URM1: variants seen among roughly 807,000 people sequenced by gnomAD.
The protein encoded by URM1 is ubiquitin related modifier 1, also known as ubiquitin-related modifier 1.
In URM1, 11 loss-of-function variants were observed where a neutral mutation model predicts 17.7. That is an observed-to-expected ratio of 0.62 (90% confidence interval 0.39 to 1.03). The LOEUF (loss-of-function observed/expected upper bound fraction) is 1.03. Among genes scored for constraint, URM1 ranks in the 50% least tolerant of loss-of-function variants. The probability of loss-of-function intolerance (pLI) is 0.00; values close to 1 mark genes in which losing one functional copy is unlikely to be tolerated. For missense variants in URM1, 128 were observed against 129.2 expected, an observed-to-expected ratio of 0.99 and a Z score of 0.04; for synonymous variants, 48 against 50.6, an observed-to-expected ratio of 0.95 and a Z score of 0.22.
chr9:128,378,542 CAAAAAAAA>C (rs58676800), intron 2 of URM1, among the ~76,000 whole-genome samples: 4 of 22,996 alleles, frequency 1.7e-4, no homozygotes, highest in Admixed American at 7.3e-4. Context: ...GACTCCATCT[CAAAAAAAA>C]AAAAAAAAAA....
chr9:128,375,705 G>A (rs572558667), intron 1 of URM1, among the ~76,000 whole-genome samples: 2 of 152,022 alleles, frequency 1.3e-5, no homozygotes, highest in Non-Finnish European at 1.5e-5. Context: ...GACTACAGGC[G>A]CACACCACCA....
chr9:128,378,960 A>T (rs1036605691), intron 2 of URM1, among the ~76,000 whole-genome samples: 1 of 151,626 alleles, frequency 6.6e-6, no homozygotes, highest in Non-Finnish European at 1.5e-5. Context: ...AAAAAAAAAA[A>T]AAAAAAAGAA....
At chr9:128,389,530 G>A (rs1833277107) in intron 4 of URM1, 136 bp from the exon 5 acceptor site, 1 of 1,547,388 alleles carries the variant, frequency 6.5e-7, no homozygotes, top group African/African-American at 1.4e-5. Context: ...GCAGGTTGAG[G>A]TATAGGATAC....
chr9:128,375,788 G>A (rs941212038), intron 1 of URM1, among the ~76,000 whole-genome samples: 2 of 151,952 alleles, frequency 1.3e-5, no homozygotes, highest in African/African-American at 2.4e-5. Flanking sequence ...TTGAACTCCT[G>A]GACTTAAGCA....
Position 128,389,671 on chromosome 9 carries a change from G to A in URM1, c.243G>A (p.Glu81=), listed in dbSNP as rs1180589664. The A allele has an allele frequency of 1.2e-6, 2 of 1,613,428 alleles. No homozygotes were observed. Among genetic ancestry groups the A allele is most frequent in the Admixed American group, 1.7e-5 (1 of 60,008 alleles). The change falls in exon 5 of 5, where the codon GAG becomes GAA. Residue 81 remains glutamate (E), a synonymous_variant. Coordinates refer to ENST00000372853, the MANE Select transcript of URM1 (RefSeq NM_030914.4). ...TCCCCTCTCTCCCGCACCAGGGTGA[G>A]CTGGACTACCAGCTTCAGGACCAGG... is the stretch of plus-strand genomic sequence containing the variant. ...INDADWELLG[E]LDYQLQDQDS...
At chr9:128,384,753 A>G (rs866123884) in intron 2 of URM1, among the ~76,000 whole-genome samples, 2 of 152,090 alleles carry the variant, frequency 1.3e-5, no homozygotes, top group Non-Finnish European at 1.5e-5. Context: ...CAATGACCCT[A>G]TGAGACAATG....
intron 2 of URM1, among the ~76,000 whole-genome samples, chr9:128,382,279 C>T (rs1833168813): frequency 6.6e-6 from 1 of 152,074 alleles, no homozygotes. Context: ...ACCTAGGTCA[C>T]CAACAGAGCT....
intron 2 of URM1, among the ~76,000 whole-genome samples, chr9:128,383,194 A>C (rs1833181878): frequency 6.7e-6 from 1 of 150,310 alleles, no homozygotes; most frequent in South Asian, 2.1e-4. Flanking sequence ...CACCCCTCCC[A>C]GTCCCTGTGC....
intron 1 of URM1, among the ~76,000 whole-genome samples, chr9:128,373,883 G>A (rs1833043319): frequency 6.6e-6 from 1 of 152,182 alleles, no homozygotes; most frequent in South Asian, 2.1e-4. Context: ...AGCAGGTGGA[G>A]AGGAAGTAAA....
upstream of URM1, chr9:128,371,331 G>C (rs748790114): frequency 9.4e-6 from 15 of 1,598,174 alleles, no homozygotes; most frequent in African/African-American, 1.4e-5. Flanking sequence ...GGAAATTTGC[G>C]GGCGCGCCGG....
At chr9:128,389,027 G>A (rs56395954) in intron 3 of URM1, 60,905 of 1,344,282 alleles carry the variant, frequency 0.045, 1,487 homozygotes, top group Middle Eastern at 0.082. Context: ...TCTGGGTGGT[G>A]GTGCTGGCTG....
chr9:128,387,763 G>A lies in URM1; in HGVS notation c.107-53G>A. The A allele has an allele frequency of 6.2e-7, 1 of 1,611,660 alleles. No homozygotes were observed. Among genetic ancestry groups the A allele is most frequent in the Non-Finnish European group, 8.5e-7 (1 of 1,178,308 alleles). On this transcript the variant is annotated intron_variant, in intron 2 of 4. Transcript: ENST00000372853. The surrounding 1 kb of genome is among the most constrained non-coding windows in gnomAD (Gnocchi z 4.3). ...GTGGGCCAGGCAAGGCTCTGGGGGT[G>A]GGCAGGTGCTATTTGGGTTTGACAA...
intron 2 of URM1, among the ~76,000 whole-genome samples, chr9:128,380,333 G>T (rs1414115899): frequency 6.6e-6 from 1 of 152,230 alleles, no homozygotes; most frequent in East Asian, 1.9e-4. Flanking sequence ...GCTGGGGGGG[G>T]GACACTTACT....
intron 4 of URM1, 101 bp from the exon 5 acceptor site, chr9:128,389,565 C>T (rs906389051): frequency 8.3e-6 from 13 of 1,572,810 alleles, no homozygotes; most frequent in South Asian, 1.2e-5. Flanking sequence ...GAGTCTGTCT[C>T]TTCCAGAGCA....
chr9:128,388,730 G>T (rs1241085198), intron 3 of URM1: 15 of 987,010 alleles, frequency 1.5e-5, no homozygotes, highest in Non-Finnish European at 1.7e-5. Flanking sequence ...CTGCACGTGA[G>T]CATTGCCATG....
At chr9:128,372,778 T>C (rs1421203601) in intron 1 of URM1, among the ~76,000 whole-genome samples, 1 of 152,098 alleles carries the variant, frequency 6.6e-6, no homozygotes, top group Non-Finnish European at 1.5e-5. Flanking sequence ...GACTGCTGTG[T>C]TAAGATTTAT....
chr9:128,385,419 C>T (rs1333989102), intron 2 of URM1, among the ~76,000 whole-genome samples: 6 of 152,184 alleles, frequency 3.9e-5, no homozygotes, highest in Non-Finnish European at 8.8e-5. Context: ...ATCTCCCTAG[C>T]ATCTTGCACA....
chr9:128,391,369 T>G lies in URM1; in HGVS notation c.*1635T>G, dbSNP rs1306685536. The G allele has an allele frequency of 6.6e-6, 1 of 151,988 alleles. No homozygotes were observed. Among genetic ancestry groups the G allele is most frequent in the Non-Finnish European group, 1.5e-5 (1 of 68,062 alleles). 9.4% of individuals were successfully genotyped at this position (151,988 alleles called of 1,614,324 possible). On this transcript the variant is annotated 3_prime_UTR_variant, in exon 5 of 5. Coordinates refer to ENST00000372853, the MANE Select transcript of URM1 (RefSeq NM_030914.4). ...AGAGACCCTCTGGGCTTGTGTGGAG[T>G]GGGAGCAGCCGTGTTGGGACTATGG... is the stretch of plus-strand genomic sequence containing the variant.
chr9:128,380,045 C>T (rs748097033), intron 2 of URM1, among the ~76,000 whole-genome samples: 1 of 151,666 alleles, frequency 6.6e-6, no homozygotes, highest in African/African-American at 2.4e-5. Flanking sequence ...CCCAGGAGAT[C>T]GAGACTACAG....
Sources: allele counts gnomAD v4.1 joint callset (sites outside exome capture counted in the v4.1 genomes callset), GRCh38; gene constraint gnomAD v4.1.1; non-coding constraint Gnocchi (gnomAD v3.1); transcripts MANE v1.5; gene names NCBI Gene and HGNC (gene_info 2026-07-23, HGNC 2026-07-21).